Variants in BSG observed in about 807,000 individuals in gnomAD.
BSG encodes the protein basigin (Ok blood group), also known as basigin.
A neutral mutation model predicts 43.1 loss-of-function variants in BSG; 37 were observed. The observed-to-expected ratio is 0.86, with a 90% CI of 0.66 to 1.13. BSG has a LOEUF of 1.13. Among genes scored for constraint, BSG ranks in the 50% most tolerant of loss-of-function variants. BSG has a pLI of 0.00. For synonymous variants in BSG, 309 were observed against 238.7 expected (o/e 1.29, Z -2.72); for missense variants, 599 against 554.2 (o/e 1.08, Z -0.81).
upstream of BSG, chr19:571,538 G>A (rs756998828): frequency 5.9e-5 from 46 of 779,422 alleles, no homozygotes; most frequent in Non-Finnish European, 7.2e-5. Context: ...CCGCTCCTGA[G>A]GCCCCCACAA....
At chr19:577,722 C>T (rs760930748) in intron 1 of BSG, 52 bp from the exon 2 acceptor site, 277 of 1,317,620 alleles carry the variant, frequency 2.1e-4, no homozygotes, top group Non-Finnish European at 2.5e-4. Context: ...CAGGAGCTGC[C>T]CTCCCAAGTG....
intron 3 of BSG, 56 bp from the exon 4 acceptor site, chr19:580,323 C>A: frequency 1.9e-6 from 3 of 1,540,124 alleles, no homozygotes; most frequent in South Asian, 2.3e-5. Context: ...AACCCTGGGT[C>A]CTTGGAGGCG....
intron 1 of BSG, 98 bp downstream of exon 1, chr19:572,799 G>A: frequency 7.9e-7 from 1 of 1,265,876 alleles, no homozygotes; most frequent in South Asian, 2.5e-5. Flanking sequence ...GGGCCTCGGC[G>A]CGGGGCGGCC....
rs939687442 is a variant in BSG at position 582,772 on chromosome 19, T to A, written c.*28T>A. ...CAGGTGGCCCGAGGACGCTCCCTGC[T>A]CCACGTCTGCGCCGCCGCCGGAGTC... On this transcript the variant is annotated 3_prime_UTR_variant, in exon 9 of 9. Transcript: ENST00000333511. 1.6e-6 allele frequency: 1 copy of A among 633,752 alleles called. No individual in the cohort carries two copies. Among genetic ancestry groups the A allele is most frequent in the Non-Finnish European group, 2.7e-6 (1 of 363,890 alleles). 39.3% of individuals were successfully genotyped at this position (633,752 alleles called of 1,614,324 possible). A position where few individuals can be genotyped will look rare whatever the true frequency, so the allele number is the denominator to read the frequency against.
At chr19:578,976 C>G (rs28921989) in intron 2 of BSG, 1 of 451,218 alleles carries the variant, frequency 2.2e-6, no homozygotes, top group Non-Finnish European at 4.4e-6. Context: ...GAGATCCACC[C>G]GCCTTGGCCT....
chr19:578,509 T>G (rs931059468), intron 2 of BSG, among the ~76,000 whole-genome samples: 10 of 152,276 alleles, frequency 6.6e-5, no homozygotes, highest in Non-Finnish European at 1.3e-4. Flanking sequence ...ACCTTCTGTG[T>G]CCTTCGCAGC....
chr19:572,678 G>A lies in BSG; in HGVS notation c.44G>A (p.Gly15Asp), dbSNP rs1190178281. The A allele has an allele frequency of 6.7e-7, 1 of 1,498,716 alleles. No individual in the cohort carries two copies. 92.8% of individuals were successfully genotyped at this position (1,498,716 alleles called of 1,614,324 possible). The change falls in exon 1 of 9, where the codon GGC (glycine) becomes GAC (aspartate). Residue 15 changes from glycine (G) to aspartate (D), a missense_variant. Gly to Asp is a moderately conservative substitution (Grantham distance 94, BLOSUM62 -1). Coordinates refer to ENST00000333511, the MANE Select transcript of BSG (RefSeq NM_001728.4). ...GTGCTGCTGGGATTCGCGCTGCTGGGCACCCACGGAGCCTCCGGGGCTGGT... is the reference window on the plus strand; with the variant it reads ...GTGCTGCTGGGATTCGCGCTGCTGGACACCCACGGAGCCTCCGGGGCTGGT... Reference protein sequence around the residue: ...LFVLLGFALLGTHGASGAAGF... With the variant: ...LFVLLGFALLDTHGASGAAGF...
At chr19:581,233 G>A (rs1188180529) in intron 5 of BSG, 82 bp from the exon 6 acceptor site, 8 of 1,328,452 alleles carry the variant, frequency 6.0e-6, no homozygotes, top group Non-Finnish European at 7.7e-6. Context: ...CCTAGACTGG[G>A]GGTCCCGGAC....
intron 1 of BSG, among the ~76,000 whole-genome samples, chr19:575,956 C>T (rs906007586): frequency 1.3e-5 from 2 of 152,160 alleles, no homozygotes; most frequent in East Asian, 1.9e-4. Context: ...CCCCCACCCC[C>T]AGTGACACGT....
chr19:582,013 G>A (rs568077701), intron 6 of BSG, among the ~76,000 whole-genome samples: 1 of 152,266 alleles, frequency 6.6e-6, no homozygotes, highest in Non-Finnish European at 1.5e-5. Context: ...GGCGAGGCCT[G>A]TGTGGGGCCT....
At chr19:578,587 G>C (rs1981991892) in intron 2 of BSG, among the ~76,000 whole-genome samples, 1 of 152,252 alleles carries the variant, frequency 6.6e-6, no homozygotes, top group Non-Finnish European at 1.5e-5. Flanking sequence ...CAAGAACCAA[G>C]AGATTTGCTT....
Position 577,759 on chromosome 19 carries a change from G to A in BSG, c.68-15G>A, listed in dbSNP as rs918641601. On this transcript the variant is annotated splice_polypyrimidine_tract_variant and intron_variant, in intron 1 of 8. Coordinates refer to ENST00000333511, the MANE Select transcript of BSG (RefSeq NM_001728.4). Reference sequence around the variant, plus strand: ...CCCAGGCACTAACAAGACCCCACGCGTGCTCTCCCCACAGCCGGCTTCGTC... The same window carrying A: ...CCCAGGCACTAACAAGACCCCACGCATGCTCTCCCCACAGCCGGCTTCGTC... 16 of 1,393,830 alleles carry A rather than the reference G, an allele frequency of 1.1e-5. No homozygotes were observed. Among genetic ancestry groups the A allele is most frequent in the African/African-American group, 4.4e-5 (3 of 68,118 alleles). The allele number at this position is 1,393,830 out of a possible 1,614,324, so 86.3% of individuals were successfully genotyped here.
intron 1 of BSG, 63 bp downstream of exon 1, chr19:572,764 C>A: frequency 7.4e-7 from 1 of 1,347,312 alleles, no homozygotes; most frequent in Non-Finnish European, 9.6e-7. Flanking sequence ...GGCCGCGGTG[C>A]CGACCCGAAG....
intron 2 of BSG, chr19:579,146 T>TC (rs1982046397): frequency 4.2e-6 from 2 of 478,132 alleles, no homozygotes; most frequent in Admixed American, 4.6e-5. Flanking sequence ...GCCTTGTCTG[T>TC]CCCCACACCC....
chr19:582,170 A>G, intron 6 of BSG, 136 bp from the exon 7 acceptor site: 1 of 1,124,036 alleles, frequency 8.9e-7, no homozygotes, highest in Admixed American at 2.6e-5. Flanking sequence ...GGGGCTGATG[A>G]GCTGCCCCGA....
At position 581,593 on chromosome 19, in the gene BSG, T is replaced by C. The variant is rs1276305265; in HGVS notation, c.1069+2T>C. The C allele has an allele frequency of 1.3e-6, 2 of 1,583,704 alleles. No individual in the cohort carries two copies. The highest frequency in any genetic ancestry group is 1.1e-5 in the South Asian group (1 of 87,656). ...GGAAGCCCGAGGACGTCCTGGATGG[T>C]GAGCCGTCTGCCCTCCTGCCCACAT... On this transcript the variant is annotated splice_donor_variant, in intron 6 of 8. Transcript: ENST00000333511. LOFTEE classifies it high-confidence loss of function.
chr19:580,885 GC>G (rs1208653812), intron 5 of BSG, 103 bp downstream of exon 5: 1 of 1,064,202 alleles, frequency 9.4e-7, no homozygotes. Flanking sequence ...TGGGTGAGGG[GC>G]CTAGACTGGG....
intron 2 of BSG, chr19:578,757 T>A: frequency 3.9e-6 from 1 of 255,840 alleles, no homozygotes; most frequent in Non-Finnish European, 7.8e-6. Context: ...TTCCTGGAGA[T>A]GGAGTCTTGC....
upstream of BSG, chr19:571,521 C>T (rs999184349): frequency 2.6e-6 from 2 of 779,230 alleles, no homozygotes; most frequent in Admixed American, 3.4e-5. Context: ...GGGCGGGACC[C>T]GATCCTCCGC....
Sources: allele counts gnomAD v4.1 joint callset (sites outside exome capture counted in the v4.1 genomes callset), GRCh38; gene constraint gnomAD v4.1.1; transcripts MANE v1.5; gene names NCBI Gene and HGNC (gene_info 2026-07-23, HGNC 2026-07-21).